ARHGAP44: variants seen among roughly 807,000 people sequenced by gnomAD.
The protein encoded by ARHGAP44 is rho GTPase-activating protein 44.
ARHGAP44 carries 43 observed loss-of-function variants against 106.8 expected under a neutral mutation model. That is an observed-to-expected ratio of 0.40 (90% CI 0.32 to 0.52). The LOEUF (loss-of-function observed/expected upper bound fraction) is 0.52, where lower values mean the gene tolerates loss of function less well. Among genes scored for constraint, ARHGAP44 ranks in the 20% least tolerant of loss-of-function variants. The pLI, the probability that ARHGAP44 is intolerant of heterozygous loss-of-function variation, is 0.48. For synonymous variants in ARHGAP44, 439 were observed against 410.3 expected (o/e 1.07, Z -0.85); for missense variants, 866 against 1,050.5 (o/e 0.82, Z 2.43).
intron 7 of ARHGAP44, 100 bp downstream of exon 7, chr17:12,929,146 G>A: frequency 8.8e-7 from 1 of 1,138,492 alleles, no homozygotes; most frequent in Non-Finnish European, 1.3e-6. Context: ...TGTCAGTGAG[G>A]CTCTAGTTGA....
At chr17:12,793,849 C>T (rs758513405) in intron 1 of ARHGAP44, among the ~76,000 whole-genome samples, 8 of 152,220 alleles carry the variant, frequency 5.3e-5, no homozygotes, top group South Asian at 2.1e-4. Context: ...GCTGCCCTAA[C>T]GCTGCCCTGT....
intron 6 of ARHGAP44, among the ~76,000 whole-genome samples, 153 bp downstream of exon 6, chr17:12,919,984 C>T (rs1307093723): frequency 1.3e-5 from 2 of 152,078 alleles, no homozygotes; most frequent in South Asian, 2.1e-4. Context: ...ACAGTGAACT[C>T]GAGACACTGG....
At chr17:12,879,427 A>T (rs1025137457) in intron 1 of ARHGAP44, among the ~76,000 whole-genome samples, 1 of 152,082 alleles carries the variant, frequency 6.6e-6, no homozygotes, top group Non-Finnish European at 1.5e-5. Flanking sequence ...TGCTATAAAC[A>T]TGCATGTGTA....
chr17:12,809,263 C>A (rs1271100957), intron 1 of ARHGAP44, among the ~76,000 whole-genome samples: 1 of 152,228 alleles, frequency 6.6e-6, no homozygotes, highest in Non-Finnish European at 1.5e-5. Context: ...GTTCCAAAGT[C>A]ACTTCCACAT....
At chr17:12,920,985 G>C (rs372984094) in intron 6 of ARHGAP44, among the ~76,000 whole-genome samples, 1 of 152,144 alleles carries the variant, frequency 6.6e-6, no homozygotes, top group Admixed American at 6.5e-5. Flanking sequence ...AGGCAGGTGC[G>C]TGAGTATTAA....
intron 17 of ARHGAP44, chr17:12,973,557 C>T: frequency 1.8e-6 from 1 of 564,156 alleles, no homozygotes; most frequent in South Asian, 2.4e-5. Context: ...GTGCCTTGGC[C>T]AGGGTCCCAG....
intron 1 of ARHGAP44, among the ~76,000 whole-genome samples, chr17:12,879,582 G>A (rs999640245): frequency 6.6e-6 from 1 of 151,756 alleles, no homozygotes; most frequent in African/African-American, 2.4e-5. Context: ...CTCAGCACTT[G>A]TTTTTAAGCA....
chr17:12,954,652 A>G (rs2039083498), intron 13 of ARHGAP44, among the ~76,000 whole-genome samples: 1 of 152,132 alleles, frequency 6.6e-6, no homozygotes, highest in South Asian at 2.1e-4. Context: ...TGATCCAAGC[A>G]AAATGGGGTT....
At chr17:12,789,959 GA>G in intron 1 of ARHGAP44, 68 bp downstream of exon 1, 1 of 1,408,740 alleles carries the variant, frequency 7.1e-7, no homozygotes, top group East Asian at 3.0e-5. Flanking sequence ...GCGCGCAGGT[GA>G]TGGAGCCCGC....
chr17:12,974,147 C>A lies in ARHGAP44; in HGVS notation c.1600C>A (p.Arg534=). 6.4e-7 allele frequency: 1 copy of A among 1,562,100 alleles called. No homozygotes were observed. The highest frequency in any genetic ancestry group is 8.7e-7 in the Non-Finnish European group (1 of 1,153,714). The change falls in exon 18 of 21, where the codon CGG becomes AGG. Residue 534 remains arginine (R), a synonymous_variant. Transcript: ENST00000379672. ...GGCTCGAAGAGGCTCCTCGGCCGGT[C>A]GGAAAGTGTCCTGCGCCCCGCCCTC... ...WVARRGSSAG[R]KVSCAPPSMQ...
At chr17:12,877,023 T>C (rs1452928486) in intron 1 of ARHGAP44, among the ~76,000 whole-genome samples, 1 of 152,224 alleles carries the variant, frequency 6.6e-6, no homozygotes, top group African/African-American at 2.4e-5. Flanking sequence ...CTGAAAATAT[T>C]TGTGATATAA....
At chr17:12,887,029 A>G (rs1597999716) in intron 1 of ARHGAP44, among the ~76,000 whole-genome samples, 1 of 137,696 alleles carries the variant, frequency 7.3e-6, no homozygotes, top group East Asian at 2.1e-4. Flanking sequence ...CTTTTTCTAC[A>G]TTAATTGCTA....
chr17:12,954,172 A>G (rs2039070938), intron 13 of ARHGAP44, among the ~76,000 whole-genome samples: 1 of 151,864 alleles, frequency 6.6e-6, no homozygotes, highest in African/African-American at 2.4e-5. Context: ...CCCTGAGATT[A>G]CAGGCATGAG....
intron 17 of ARHGAP44, 140 bp downstream of exon 17, chr17:12,973,459 A>C (rs1402522400): frequency 1.2e-6 from 1 of 847,990 alleles, no homozygotes; most frequent in Admixed American, 2.4e-5. Flanking sequence ...TGTGCCCATC[A>C]TTAAAATAGA....
At chr17:12,899,891 T>G (rs533057269) in intron 3 of ARHGAP44, among the ~76,000 whole-genome samples, 1 of 152,352 alleles carries the variant, frequency 6.6e-6, no homozygotes, top group Admixed American at 6.5e-5. Flanking sequence ...CAGTAGCTCT[T>G]TAGTCATGTG....
At chr17:12,871,010 T>C (rs2036391042) in intron 1 of ARHGAP44, among the ~76,000 whole-genome samples, 1 of 152,204 alleles carries the variant, frequency 6.6e-6, no homozygotes, top group South Asian at 2.1e-4. Flanking sequence ...TCCTTTTCTC[T>C]TTTTGTTTGT....
chr17:12,943,738 T>A, intron 9 of ARHGAP44, 69 bp downstream of exon 9: 2 of 1,435,658 alleles, frequency 1.4e-6, no homozygotes, highest in Non-Finnish European at 2.0e-6. Flanking sequence ...TGAGATGAAT[T>A]CCTTGTATGT....
At chr17:12,979,397 G>A (rs2039775999) in intron 18 of ARHGAP44, among the ~76,000 whole-genome samples, 1 of 152,176 alleles carries the variant, frequency 6.6e-6, no homozygotes, top group South Asian at 2.1e-4. Context: ...TCAGAGGCCA[G>A]AGCCCTCACT....
rs1031151712 is a variant in ARHGAP44 at position 12,792,090 on chromosome 17, C to T, written c.53+2199C>T. Among the ~76,000 whole-genome samples, 46 of 152,184 alleles carry T rather than the reference C, an allele frequency of 3.0e-4. 1 individual carries two copies. Among genetic ancestry groups the T allele is most frequent in the Admixed American group, 1.3e-4 (2 of 15,286 alleles). The stretch of plus-strand genomic sequence containing the variant: ...CTCTTCACATTCATGGAGCTCTAGC[C>T]GTGTGGCCTTTCTTGCCCCAAACAC... On this transcript the variant is annotated intron_variant, in intron 1 of 20. Coordinates refer to ENST00000379672, the MANE Select transcript of ARHGAP44 (RefSeq NM_014859.6).
Sources: gnomAD v4.1 joint callset for allele counts (sites outside exome capture counted in the v4.1 genomes callset) on GRCh38, gnomAD v4.1.1 for gene constraint, MANE v1.5 for transcripts, NCBI Gene and HGNC (gene_info 2026-07-23, HGNC 2026-07-21) for gene names.